The following TAF4B variants were observed in gnomAD, a reference collection of about 807,000 sequenced individuals.
The protein encoded by TAF4B is TATA-box binding protein associated factor 4b.
TAF4B carries 38 observed loss-of-function variants against 86.4 expected under a neutral mutation model. The observed-to-expected ratio is 0.44, with a 90% CI of 0.34 to 0.58. The LOEUF is 0.58. Among genes scored for constraint, TAF4B ranks in the 20% least tolerant of loss-of-function variants. The pLI is 0.02. For synonymous variants in TAF4B, 388 were observed against 391.2 expected (o/e 0.99, Z 0.10); for missense variants, 988 against 1,027.6 (o/e 0.96, Z 0.53).
At chr18:26,385,208 G>A (rs947346792) in intron 14 of TAF4B, among the ~76,000 whole-genome samples, 1 of 152,198 alleles carries the variant, frequency 6.6e-6, no homozygotes, top group Non-Finnish European at 1.5e-5. Flanking sequence ...CAACACTGCT[G>A]TATTAAGTTG....
At chr18:26,304,633 G>T in intron 9 of TAF4B, 1 of 750,632 alleles carries the variant, frequency 1.3e-6, no homozygotes, top group Non-Finnish European at 1.6e-6. Context: ...CTGGGAACTT[G>T]ACTTACCCAG....
intron 5 of TAF4B, among the ~76,000 whole-genome samples, 161 bp downstream of exon 5, chr18:26,275,214 G>A (rs558695427): frequency 1.3e-5 from 2 of 152,300 alleles, no homozygotes; most frequent in Admixed American, 6.5e-5. Context: ...GGAGTGCAGT[G>A]GCGTGATCTA....
intron 9 of TAF4B, 66 bp from the exon 10 acceptor site, chr18:26,315,161 TCA>T (rs374652887): frequency 0.069 from 15,244 of 220,598 alleles, 640 homozygotes; most frequent in African/African-American, 0.16. Context: ...TCTCTCTCTC[TCA>T]CACACACACA....
chr18:26,307,946 C>T (rs1350557138), intron 9 of TAF4B, among the ~76,000 whole-genome samples: 1 of 152,064 alleles, frequency 6.6e-6, no homozygotes, highest in African/African-American at 2.4e-5. Context: ...TCCATCTCCA[C>T]TAAAAATACA....
intron 1 of TAF4B, among the ~76,000 whole-genome samples, chr18:26,235,302 C>G (rs2055732376): frequency 6.6e-6 from 1 of 152,030 alleles, no homozygotes; most frequent in Non-Finnish European, 1.5e-5. Context: ...AGCTGGTGAT[C>G]CCAAGGAACC....
chr18:26,245,729 A>G (rs769058916), intron 1 of TAF4B, among the ~76,000 whole-genome samples: 1 of 152,144 alleles, frequency 6.6e-6, no homozygotes, highest in Non-Finnish European at 1.5e-5. Context: ...GCATTTTACA[A>G]TCCTCTTGTA....
intron 1 of TAF4B, among the ~76,000 whole-genome samples, chr18:26,232,877 C>T (rs191081760): frequency 3.3e-5 from 5 of 152,304 alleles, no homozygotes; most frequent in Admixed American, 2.6e-4. Flanking sequence ...AGTAGATAAA[C>T]TGGCTATTCT....
intron 9 of TAF4B, among the ~76,000 whole-genome samples, chr18:26,303,895 T>A (rs1406740392): frequency 2.6e-5 from 4 of 152,182 alleles, no homozygotes; most frequent in African/African-American, 9.6e-5. Context: ...TATACCTTTT[T>A]AAACATCTTT....
intron 14 of TAF4B, among the ~76,000 whole-genome samples, chr18:26,365,233 C>CT (rs896016425): frequency 6.6e-6 from 1 of 152,108 alleles, no homozygotes; most frequent in African/African-American, 2.4e-5. Context: ...TCTTGAACTC[C>CT]TGACCTCAGG....
At chr18:26,278,008 G>A (rs1419040868) in intron 5 of TAF4B, among the ~76,000 whole-genome samples, 1 of 152,080 alleles carries the variant, frequency 6.6e-6, no homozygotes, top group Non-Finnish European at 1.5e-5. Flanking sequence ...TTTCTTTACT[G>A]TTAGTGGTTT....
At chr18:26,262,851 A>G (rs760360101) in intron 1 of TAF4B, among the ~76,000 whole-genome samples, 21 of 152,194 alleles carry the variant, frequency 1.4e-4, no homozygotes, top group Non-Finnish European at 2.8e-4. Flanking sequence ...TTACTGGGGA[A>G]CAGAGTTGTA....
chr18:26,349,177 G>T (rs1369405609), intron 13 of TAF4B, among the ~76,000 whole-genome samples: 3 of 152,140 alleles, frequency 2.0e-5, no homozygotes, highest in African/African-American at 7.2e-5. Context: ...TTATGCTGAA[G>T]TTTGGGGTAC....
chr18:26,302,226 T>C (rs1468333075), intron 9 of TAF4B, among the ~76,000 whole-genome samples: 5 of 152,180 alleles, frequency 3.3e-5, no homozygotes, highest in African/African-American at 9.6e-5. Flanking sequence ...TATATTTTGA[T>C]GAACAGAAAT....
chr18:26,226,743 A>G lies in TAF4B; in HGVS notation c.-191A>G. On this transcript the variant is annotated 5_prime_UTR_variant, in exon 1 of 15. Transcript: ENST00000269142. ...AGCCCAGGCTCGCGCGGACGAGAGG[A>G]AGGTCCGGGACGCGCGTGTCCTGCC... The G allele has an allele frequency of 2.2e-6, 1 of 446,658 alleles. No individual in the cohort carries two copies. The allele number at this position is 446,658 out of a possible 1,614,324, so 27.7% of individuals were successfully genotyped here. A position where few individuals can be genotyped will look rare whatever the true frequency, so the allele number is the denominator to read the frequency against.
chr18:26,360,192 A>G (rs191063193), intron 14 of TAF4B, among the ~76,000 whole-genome samples: 24 of 152,212 alleles, frequency 1.6e-4, no homozygotes, highest in African/African-American at 5.8e-4. Context: ...TTACCCTCTA[A>G]GTTGTATCAG....
At chr18:26,264,037 G>C (rs1188401077) in intron 1 of TAF4B, among the ~76,000 whole-genome samples, 1 of 152,162 alleles carries the variant, frequency 6.6e-6, no homozygotes, top group Non-Finnish European at 1.5e-5. Flanking sequence ...GTTTATTTGG[G>C]CCGAGGTTGA....
Position 26,263,677 on chromosome 18 carries a change from A to G in TAF4B, c.344-1493A>G, listed in dbSNP as rs1210169999. ...AGAAATTCTTCCCTATCCCAAGTTC[A>G]GAAAGCCCTTTCTTTCTTTCGCTCT... On this transcript the variant is annotated intron_variant, in intron 1 of 14. Coordinates refer to ENST00000269142, the MANE Select transcript of TAF4B (RefSeq NM_005640.3). 3.3e-5 allele frequency among the ~76,000 whole-genome samples: 5 copies of G among 152,162 alleles called. No individual in the cohort carries two copies. The East Asian group carries it at 9.6e-4, about 29-fold the overall frequency.
At chr18:26,289,291 C>T (rs1431653716) in intron 7 of TAF4B, among the ~76,000 whole-genome samples, 2 of 152,136 alleles carry the variant, frequency 1.3e-5, no homozygotes, top group Non-Finnish European at 2.9e-5. Context: ...ATAACGTATT[C>T]CATGCAGCTT....
At chr18:26,239,874 G>A (rs1425312694) in intron 1 of TAF4B, among the ~76,000 whole-genome samples, 1 of 152,134 alleles carries the variant, frequency 6.6e-6, no homozygotes, top group African/African-American at 2.4e-5. Flanking sequence ...TTTTTGTCAG[G>A]TTTGTCAGAG....
Sources: gnomAD v4.1 joint callset for allele counts (sites outside exome capture counted in the v4.1 genomes callset) on GRCh38, gnomAD v4.1.1 for gene constraint, MANE v1.5 for transcripts, NCBI Gene and HGNC (gene_info 2026-07-23, HGNC 2026-07-21) for gene names.